The following SAMD5 variants were observed in gnomAD, a reference collection of about 807,000 sequenced individuals.
SAMD5 encodes sterile alpha motif domain-containing protein 5.
SAMD5 carries 13 observed loss-of-function variants against 11.3 expected under a neutral mutation model. That is an observed-to-expected ratio of 1.15 (90% CI 0.75 to 1.83). SAMD5 has a LOEUF of 1.83. Ranked by LOEUF, SAMD5 falls within the 40% of genes most tolerant of loss-of-function variation. The pLI is 0.00. For missense variants in SAMD5, 255 were observed against 239.1 expected, an observed-to-expected ratio of 1.07 and a Z score of -0.44; for synonymous variants, 129 against 111.3, an observed-to-expected ratio of 1.16 and a Z score of -1.00.
chr6:147,915,257 A>T, the SAMD5 span, among the ~76,000 whole-genome samples: 1 of 152,188 alleles, frequency 6.6e-6, no homozygotes, highest in South Asian at 2.1e-4. Flanking sequence ...GATGTACGTT[A>T]CACCCTCCAA....
chr6:147,865,213 A>G, the SAMD5 span, among the ~76,000 whole-genome samples: 4 of 152,126 alleles, frequency 2.6e-5, 1 homozygote, highest in South Asian at 2.1e-4. Flanking sequence ...GGGTTTCACC[A>G]TATATGATAG....
the SAMD5 span, among the ~76,000 whole-genome samples, chr6:147,898,731 A>G: frequency 6.6e-6 from 1 of 152,172 alleles, no homozygotes; most frequent in Non-Finnish European, 1.5e-5. Flanking sequence ...ATATAATCAT[A>G]TAGTATTATC....
the SAMD5 span, among the ~76,000 whole-genome samples, chr6:147,849,718 G>T: frequency 6.6e-6 from 1 of 152,214 alleles, no homozygotes; most frequent in Non-Finnish European, 1.5e-5. Context: ...CCGAGGGCAC[G>T]TTCACAATCA....
chr6:147,749,322 A>G, the SAMD5 span, among the ~76,000 whole-genome samples: 2 of 151,934 alleles, frequency 1.3e-5, no homozygotes, highest in African/African-American at 4.8e-5. Context: ...GGTGCCCACC[A>G]CTATGCCTGG....
At chr6:147,609,395 C>T (rs1216347556) in intron 1 of SAMD5, among the ~76,000 whole-genome samples, 4 of 152,182 alleles carry the variant, frequency 2.6e-5, no homozygotes, top group African/African-American at 9.7e-5. Flanking sequence ...TCTAGGACTT[C>T]CAGCCTCCAG....
At chr6:147,604,269 A>G (rs1212067583) in intron 1 of SAMD5, among the ~76,000 whole-genome samples, 1 of 151,080 alleles carries the variant, frequency 6.6e-6, no homozygotes, top group Non-Finnish European at 1.5e-5. Flanking sequence ...AGTTATTCTT[A>G]GATCAGTGAA....
chr6:147,695,687 T>C (rs1791165194), intron 1 of SAMD5, among the ~76,000 whole-genome samples: 1 of 152,160 alleles, frequency 6.6e-6, no homozygotes, highest in Non-Finnish European at 1.5e-5. Flanking sequence ...TACAAAGACA[T>C]TGGAATAAGA....
chr6:147,874,358 C>T, the SAMD5 span, among the ~76,000 whole-genome samples: 1 of 152,066 alleles, frequency 6.6e-6, no homozygotes, highest in African/African-American at 2.4e-5. Flanking sequence ...TTAGGTAATT[C>T]CTATTATTGA....
chr6:147,728,512 C>T (rs528337839), intron 1 of SAMD5, among the ~76,000 whole-genome samples: 2 of 152,288 alleles, frequency 1.3e-5, no homozygotes, highest in African/African-American at 2.4e-5. Context: ...AGGGATTAGA[C>T]CTGAGTCTGA....
chr6:147,724,122 A>G (rs781393470), intron 1 of SAMD5, among the ~76,000 whole-genome samples: 7 of 151,982 alleles, frequency 4.6e-5, no homozygotes, highest in Non-Finnish European at 8.8e-5. Flanking sequence ...AAAATTGTAC[A>G]TGAAAAAAAT....
intron 1 of SAMD5, among the ~76,000 whole-genome samples, chr6:147,657,817 C>A (rs1790593076): frequency 6.6e-6 from 1 of 152,134 alleles, no homozygotes. Flanking sequence ...CACTCTTATG[C>A]CCTAATCACC....
the SAMD5 span, among the ~76,000 whole-genome samples, chr6:147,858,980 A>G: frequency 1.3e-5 from 2 of 152,206 alleles, no homozygotes; most frequent in African/African-American, 4.8e-5. Flanking sequence ...GTAGATATAT[A>G]TTAAGAAGGA....
chr6:147,688,614 T>C (rs957551840), intron 1 of SAMD5, among the ~76,000 whole-genome samples: 1 of 152,216 alleles, frequency 6.6e-6, no homozygotes, highest in Non-Finnish European at 1.5e-5. Flanking sequence ...TTTGTTATTC[T>C]TGGTTTTTAA....
At chr6:147,581,344 G>T (rs1789294456) in intron 1 of SAMD5, among the ~76,000 whole-genome samples, 1 of 152,172 alleles carries the variant, frequency 6.6e-6, no homozygotes, top group Admixed American at 6.6e-5. Flanking sequence ...ACCTATATGT[G>T]TGCATCTCTG....
chr6:147,573,505 C>A (rs1789169065), downstream of SAMD5, among the ~76,000 whole-genome samples: 2 of 152,140 alleles, frequency 1.3e-5, no homozygotes, highest in South Asian at 4.1e-4. Context: ...TCCCTTGACA[C>A]ATGGGAATTA....
At chr6:147,876,661 G>T in the SAMD5 span, among the ~76,000 whole-genome samples, 1 of 152,186 alleles carries the variant, frequency 6.6e-6, no homozygotes, top group Non-Finnish European at 1.5e-5. Context: ...AAAAATACTG[G>T]TTTGTACTAG....
rs1026396751 is a variant in SAMD5, at chr6:147,553,948, C to A, written c.460-10446C>A. Among the ~76,000 whole-genome samples, 5 of 152,214 alleles carry A rather than the reference C, an allele frequency of 3.3e-5. No homozygotes were observed. The East Asian group carries it at 9.7e-4, about 29-fold the overall frequency. On this transcript the variant is annotated intron_variant, in intron 1 of 1. Coordinates refer to ENST00000367474, the MANE Select transcript of SAMD5 (RefSeq NM_001030060.3). Reference sequence around the variant, plus strand: ...CCCTGGACTTCCTTCATTCTGGCTGCCACTAAACATGTGTGTTAGTCCATT... The same window carrying A: ...CCCTGGACTTCCTTCATTCTGGCTGACACTAAACATGTGTGTTAGTCCATT...
intron 1 of SAMD5, among the ~76,000 whole-genome samples, chr6:147,726,251 A>G (rs1791624934): frequency 6.6e-6 from 1 of 152,022 alleles, no homozygotes; most frequent in Non-Finnish European, 1.5e-5. Flanking sequence ...TTCTGCATCC[A>G]TTTTTTCTTG....
intron 1 of SAMD5, among the ~76,000 whole-genome samples, chr6:147,579,249 C>T (rs1789261129): frequency 6.6e-6 from 1 of 152,116 alleles, no homozygotes; most frequent in Non-Finnish European, 1.5e-5. Context: ...CTGATACATG[C>T]TTACATACTG....
Sources: gnomAD v4.1 joint callset for allele counts (sites outside exome capture counted in the v4.1 genomes callset) on GRCh38, gnomAD v4.1.1 for gene constraint, MANE v1.5 for transcripts, NCBI Gene and HGNC (gene_info 2026-07-23, HGNC 2026-07-21) for gene names.